Variants in RYR3 observed in about 807,000 individuals in gnomAD.
RYR3 encodes the protein ryanodine receptor 3.
A neutral mutation model predicts 584.3 loss-of-function variants in RYR3; 207 were observed. That is an observed-to-expected ratio of 0.35 (90% CI 0.32 to 0.40). The LOEUF (loss-of-function observed/expected upper bound fraction) is 0.40. Among genes scored for constraint, RYR3 ranks in the 10% least tolerant of loss-of-function variants. The pLI is 1.00. For synonymous variants in RYR3, 2,416 were observed against 2,248.5 expected (o/e 1.07, Z -2.11); for missense variants, 5,616 against 6,089.2 (o/e 0.92, Z 2.59).
chr15:33,527,160 A>ACAGG (rs1225784744), intron 3 of RYR3, among the ~76,000 whole-genome samples: 1 of 152,226 alleles, frequency 6.6e-6, no homozygotes, highest in Non-Finnish European at 1.5e-5. Context: ...ACTACAGCCA[A>ACAGG]CAGGCCAAAT....
intron 1 of RYR3, among the ~76,000 whole-genome samples, chr15:33,371,782 G>A (rs563672812): frequency 7.7e-4 from 117 of 152,270 alleles, no homozygotes; most frequent in Non-Finnish European, 1.3e-3. Flanking sequence ...TGTCTTGCTG[G>A]CTACAACAAG....
At chr15:33,561,926 A>G (rs2057428043) in intron 10 of RYR3, among the ~76,000 whole-genome samples, 1 of 152,146 alleles carries the variant, frequency 6.6e-6, no homozygotes, top group East Asian at 1.9e-4. Context: ...AAGAGAGAGA[A>G]ATGTTTTTGC....
chr15:33,340,497 A>C lies in RYR3; in HGVS notation c.51+29401A>C, dbSNP rs544809780. 5.9e-5 allele frequency among the ~76,000 whole-genome samples: 9 copies of C among 152,342 alleles called. No individual in the cohort carries two copies. The South Asian group carries it at 1.9e-3, about 32-fold the overall frequency. Reference sequence around the variant, plus strand: ...CCATAGACTGGGTGGCTTAAACAGCAGAAATTTATTTTTCACAGTTCTGGA... The same window carrying C: ...CCATAGACTGGGTGGCTTAAACAGCCGAAATTTATTTTTCACAGTTCTGGA... On this transcript the variant is annotated intron_variant, in intron 1 of 103. Coordinates refer to ENST00000634891, the MANE Select transcript of RYR3 (RefSeq NM_001036.6).
At chr15:33,472,251 G>A (rs1189493217) in intron 1 of RYR3, among the ~76,000 whole-genome samples, 1 of 152,182 alleles carries the variant, frequency 6.6e-6, no homozygotes, top group Non-Finnish European at 1.5e-5. Context: ...GGCACAAGCA[G>A]GTATCTTTGT....
rs115626487 is a variant in RYR3 at position 33,774,165 on chromosome 15, C to T, written c.9137+550C>T. Among the ~76,000 whole-genome samples the T allele has an allele frequency of 5.7e-3, 867 of 152,276 alleles. 10 individuals carry two copies. Among genetic ancestry groups the T allele is most frequent in the African/African-American group, 0.02 (841 of 41,544 alleles). ...CAGAAGCGTGTGGGTTCCAGTTTTGCCTCTCTAATCTGCTTGTCACAGCAG... is the reference window on the plus strand; with the variant it reads ...CAGAAGCGTGTGGGTTCCAGTTTTGTCTCTCTAATCTGCTTGTCACAGCAG... On this transcript the variant is annotated intron_variant, in intron 64 of 103. Transcript: ENST00000634891.
chr15:33,597,618 C>CAAAA (rs3085330), intron 16 of RYR3, among the ~76,000 whole-genome samples: 2,304 of 128,168 alleles, frequency 0.018, 75 homozygotes, highest in African/African-American at 0.058. Context: ...GACTCTGTCT[C>CAAAA]AAAAAAAAAA....
chr15:33,478,736 C>T (rs1423964092), intron 2 of RYR3, among the ~76,000 whole-genome samples: 7 of 152,156 alleles, frequency 4.6e-5, no homozygotes, highest in Non-Finnish European at 2.9e-5. Context: ...TTAGATATAT[C>T]CGGAACCCCA....
At chr15:33,766,874 G>A (rs1007606066) in intron 60 of RYR3, among the ~76,000 whole-genome samples, 6 of 152,162 alleles carry the variant, frequency 3.9e-5, no homozygotes, top group Non-Finnish European at 7.3e-5. Context: ...AGGCACTTGG[G>A]GACTCGGGGC....
At chr15:33,617,871 A>G (rs2060529682) in intron 19 of RYR3, among the ~76,000 whole-genome samples, 1 of 152,222 alleles carries the variant, frequency 6.6e-6, no homozygotes, top group African/African-American at 2.4e-5. Context: ...AATCAATGTC[A>G]TAGCCTCTTT....
intron 19 of RYR3, among the ~76,000 whole-genome samples, chr15:33,613,936 A>G (rs568795157): frequency 5.3e-5 from 8 of 152,300 alleles, no homozygotes; most frequent in Non-Finnish European, 1.2e-4. Context: ...TTCATGATAC[A>G]GCCATTACTT....
intron 67 of RYR3, among the ~76,000 whole-genome samples, chr15:33,794,819 A>C (rs575028929): frequency 6.6e-6 from 1 of 152,226 alleles, no homozygotes; most frequent in Non-Finnish European, 1.5e-5. Flanking sequence ...GAATTATGGA[A>C]TTGTGGCCTT....
At chr15:33,664,915 C>G (rs1470909386) in intron 36 of RYR3, among the ~76,000 whole-genome samples, 1 of 152,070 alleles carries the variant, frequency 6.6e-6, no homozygotes, top group Non-Finnish European at 1.5e-5. Flanking sequence ...TCTTGGCTTT[C>G]AAAAGACTCT....
At chr15:33,756,636 C>T (rs373558185) in intron 59 of RYR3, among the ~76,000 whole-genome samples, 11 of 152,006 alleles carry the variant, frequency 7.2e-5, no homozygotes, top group South Asian at 4.2e-4. Flanking sequence ...GGCCTGTGTG[C>T]GTGGTTCAGA....
chr15:33,822,011 G>A (rs201671142), intron 80 of RYR3, among the ~76,000 whole-genome samples: 5 of 50,686 alleles, frequency 9.9e-5, no homozygotes, highest in South Asian at 7.9e-4. Flanking sequence ...TTATTCGTTC[G>A]TTCATCCATT....
At chr15:33,548,021 AG>A (rs1314467213) in intron 8 of RYR3, 108 bp from the exon 9 acceptor site, 2 of 723,026 alleles carry the variant, frequency 2.8e-6, no homozygotes, top group African/African-American at 3.6e-5. Context: ...TGACTCCAAA[AG>A]GGCTTAGACA....
rs2069732128 is a variant in RYR3, at chr15:33,738,496, C to T, written c.7562C>T (p.Pro2521Leu). Residue 2521 changes from proline to leucine, a missense_variant, in exon 50 of 104, where the codon CCT (proline) becomes CTT (leucine). This residue lies in a region of RYR3 where 1,280 missense variants were observed against 1,426.2 expected (regional missense o/e 0.90). Transcript: ENST00000634891. Reference sequence around the variant, plus strand: ...CAGTGTTGGAAGTATTACTGCCTGCCTTCAGGATGGGGGAGCTACGGGCTA... The same window carrying T: ...CAGTGTTGGAAGTATTACTGCCTGCTTTCAGGATGGGGGAGCTACGGGCTA... ...YEQCWKYYCLPSGWGSYGLAV... is the reference protein window; with the variant it reads ...YEQCWKYYCLLSGWGSYGLAV... The T allele has an allele frequency of 6.2e-7, 1 of 1,613,876 alleles. No homozygotes were observed. The highest frequency in any genetic ancestry group is 1.3e-5 in the African/African-American group (1 of 74,924).
chr15:33,857,312 G>A (rs1377737657), intron 98 of RYR3, among the ~76,000 whole-genome samples: 2 of 151,976 alleles, frequency 1.3e-5, no homozygotes, highest in African/African-American at 4.8e-5. Context: ...TCTCGCTGCC[G>A]CTTCCCCTGA....
chr15:33,586,210 C>G (rs1177190319), intron 16 of RYR3, 94 bp downstream of exon 16: 2 of 739,296 alleles, frequency 2.7e-6, no homozygotes, highest in Non-Finnish European at 4.7e-6. Context: ...GTTGATTAGT[C>G]TTTCTTGACT....
At chr15:33,811,149 TG>T in intron 72 of RYR3, 112 bp downstream of exon 72, 1 of 903,766 alleles carries the variant, frequency 1.1e-6, no homozygotes, top group Non-Finnish European at 1.8e-6. Context: ...AAAAACAGTT[TG>T]GGGGTATTTG....
Sources: gnomAD v4.1 joint callset for allele counts (sites outside exome capture counted in the v4.1 genomes callset) on GRCh38, gnomAD v4.1.1 for gene constraint, gnomAD v4.1.1 regional missense constraint, MANE v1.5 for transcripts, NCBI Gene and HGNC (gene_info 2026-07-23, HGNC 2026-07-21) for gene names.